HS6ST3: variants seen among roughly 807,000 people sequenced by gnomAD.
The protein encoded by HS6ST3 is heparan sulfate 6-O-sulfotransferase 3.
In HS6ST3, 12 loss-of-function variants were observed where a neutral mutation model predicts 36.7. The ratio of observed to expected loss-of-function variants is 0.33; its 90% CI spans 0.21 to 0.53. The LOEUF is 0.53. Among genes scored for constraint, HS6ST3 ranks in the 20% least tolerant of loss-of-function variants. HS6ST3 has a pLI of 0.95. For synonymous variants in HS6ST3, 240 were observed against 257.5 expected, an observed-to-expected ratio of 0.93 and a Z score of 0.65; for missense variants, 584 against 640.9, an observed-to-expected ratio of 0.91 and a Z score of 0.96.
At chr13:96,676,776 A>G (rs1456621582) in intron 1 of HS6ST3, among the ~76,000 whole-genome samples, 4 of 152,164 alleles carry the variant, frequency 2.6e-5, no homozygotes, top group Admixed American at 6.6e-5. Flanking sequence ...AAGATAAATG[A>G]CACCTTCTTC....
At chr13:96,297,246 C>G (rs1243457160) in intron 1 of HS6ST3, among the ~76,000 whole-genome samples, 1 of 152,002 alleles carries the variant, frequency 6.6e-6, no homozygotes, top group Non-Finnish European at 1.5e-5. Context: ...TCCCTTTCTG[C>G]ACAGGTTTCT....
intron 1 of HS6ST3, among the ~76,000 whole-genome samples, chr13:96,270,681 C>T (rs752327): frequency 2.6e-5 from 4 of 151,674 alleles, no homozygotes; most frequent in Non-Finnish European, 5.9e-5. Context: ...CTGTCCTCAA[C>T]AAAATTGTCT....
chr13:96,805,657 T>A (rs1454427226), intron 1 of HS6ST3, among the ~76,000 whole-genome samples: 3 of 152,212 alleles, frequency 2.0e-5, no homozygotes, highest in Non-Finnish European at 2.9e-5. Context: ...TACTTTATTA[T>A]TTCCATCTTT....
chr13:96,436,633 T>G (rs1452371857), intron 1 of HS6ST3, among the ~76,000 whole-genome samples: 1 of 152,146 alleles, frequency 6.6e-6, no homozygotes, highest in Non-Finnish European at 1.5e-5. Flanking sequence ...AGTGTCCTTA[T>G]AAGAAGAAGA....
chr13:96,324,968 A>G (rs546652718), intron 1 of HS6ST3, among the ~76,000 whole-genome samples: 2 of 152,282 alleles, frequency 1.3e-5, no homozygotes, highest in Admixed American at 6.5e-5. Flanking sequence ...TTGTTATTGT[A>G]TGTAGCTTGG....
chr13:96,485,949 G>T (rs1237931684), intron 1 of HS6ST3, among the ~76,000 whole-genome samples: 2 of 151,694 alleles, frequency 1.3e-5, no homozygotes, highest in East Asian at 3.9e-4. Flanking sequence ...GTGCCATGTT[G>T]GTGTGCTGCA....
intron 1 of HS6ST3, among the ~76,000 whole-genome samples, chr13:96,509,939 G>T (rs1017195371): frequency 9.9e-5 from 15 of 151,976 alleles, no homozygotes; most frequent in African/African-American, 3.6e-4. Flanking sequence ...TGGGCAGTAT[G>T]GTCATTTTTA....
chr13:96,642,207 G>A (rs1290527395), intron 1 of HS6ST3, among the ~76,000 whole-genome samples: 1 of 151,734 alleles, frequency 6.6e-6, no homozygotes, highest in Non-Finnish European at 1.5e-5. Flanking sequence ...TAATCCTACT[G>A]TCTTCAGGCC....
chr13:96,469,376 A>G lies in HS6ST3; in HGVS notation c.708-363114A>G, dbSNP rs187749698. On this transcript the variant is annotated intron_variant, in intron 1 of 1. Transcript: ENST00000376705. Reference sequence around the variant, plus strand: ...GCACATGCTATTTTTGGAAGTTCCTATCAAAATTCCATCCTTCAGCAGGCC... The same window carrying G: ...GCACATGCTATTTTTGGAAGTTCCTGTCAAAATTCCATCCTTCAGCAGGCC... Among the ~76,000 whole-genome samples the G allele has an allele frequency of 3.3e-5, 5 of 151,930 alleles. No homozygotes were observed. The East Asian group carries it at 9.7e-4, about 29-fold the overall frequency.
intron 1 of HS6ST3, among the ~76,000 whole-genome samples, chr13:96,441,181 T>G (rs1411163872): frequency 6.6e-6 from 1 of 152,178 alleles, no homozygotes; most frequent in Non-Finnish European, 1.5e-5. Context: ...ATTTCCAGCC[T>G]CTAGAACTGT....
chr13:96,201,559 AG>A (rs1309198107), intron 1 of HS6ST3, among the ~76,000 whole-genome samples: 1 of 152,176 alleles, frequency 6.6e-6, no homozygotes, highest in Non-Finnish European at 1.5e-5. Flanking sequence ...CCAGTGCTCA[AG>A]GTATATGGCT....
chr13:96,620,415 C>A (rs891130390), intron 1 of HS6ST3, among the ~76,000 whole-genome samples: 1 of 152,156 alleles, frequency 6.6e-6, no homozygotes, highest in African/African-American at 2.4e-5. Context: ...TCAGTTTGTG[C>A]TTATGTGTGA....
At chr13:96,473,109 ACCTTG>A (rs962791854) in intron 1 of HS6ST3, among the ~76,000 whole-genome samples, 3 of 152,130 alleles carry the variant, frequency 2.0e-5, no homozygotes, top group Non-Finnish European at 4.4e-5. Flanking sequence ...CAAGGCTACT[ACCTTG>A]CCTAGCAGTA....
chr13:96,786,116 T>A (rs774154457), intron 1 of HS6ST3, among the ~76,000 whole-genome samples: 8 of 152,166 alleles, frequency 5.3e-5, no homozygotes, highest in Non-Finnish European at 1.2e-4. Flanking sequence ...CCTCTTCTTT[T>A]GTTCCTGGAA....
chr13:96,173,332 G>C (rs2054197211), intron 1 of HS6ST3, among the ~76,000 whole-genome samples: 2 of 152,070 alleles, frequency 1.3e-5, no homozygotes, highest in Admixed American at 1.3e-4. Context: ...GATTCAAGTT[G>C]CCCTAACAAG....
chr13:96,103,343 A>G (rs2053826591), intron 1 of HS6ST3, among the ~76,000 whole-genome samples: 1 of 152,156 alleles, frequency 6.6e-6, no homozygotes, highest in Admixed American at 6.5e-5. Context: ...GGGCTTCCTC[A>G]CTTACTCGTT....
chr13:96,229,607 C>T (rs1429521067), intron 1 of HS6ST3, among the ~76,000 whole-genome samples: 1 of 152,172 alleles, frequency 6.6e-6, no homozygotes, highest in African/African-American at 2.4e-5. Context: ...TCTAACCAAC[C>T]CTATTATCTC....
intron 1 of HS6ST3, among the ~76,000 whole-genome samples, chr13:96,600,679 G>T (rs637587): frequency 0.37 from 56,157 of 151,526 alleles, 10,627 homozygotes; most frequent in East Asian, 0.62. Context: ...TGTTAATATT[G>T]TATATGAGAT....
intron 1 of HS6ST3, among the ~76,000 whole-genome samples, chr13:96,197,114 C>T (rs533615505): frequency 4.6e-5 from 7 of 152,276 alleles, no homozygotes; most frequent in Admixed American, 4.6e-4. Flanking sequence ...ATTTCTTTAG[C>T]TTTTAGGGCC....
Sources: allele counts gnomAD v4.1 joint callset (sites outside exome capture counted in the v4.1 genomes callset), GRCh38; gene constraint gnomAD v4.1.1; transcripts MANE v1.5; gene names NCBI Gene and HGNC (gene_info 2026-07-23, HGNC 2026-07-21).